The following NYAP2 variants were observed in gnomAD, a reference collection of about 807,000 sequenced individuals.
NYAP2 encodes neuronal tyrosine-phosphorylated phosphoinositide-3-kinase adaptor 2.
Under a neutral mutation model 50.4 loss-of-function variants are expected in NYAP2, and 23 were observed. The ratio of observed to expected loss-of-function variants is 0.46; its 90% confidence interval spans 0.33 to 0.65. The LOEUF is 0.65. Among genes scored for constraint, NYAP2 ranks in the 30% least tolerant of loss-of-function variants. The pLI, the probability that NYAP2 is intolerant of heterozygous loss-of-function variation, is 0.02. For synonymous variants in NYAP2, 394 were observed against 365.2 expected, an observed-to-expected ratio of 1.08 and a Z score of -0.90; for missense variants, 885 against 861.0, an observed-to-expected ratio of 1.03 and a Z score of -0.35.
the NYAP2 span, among the ~76,000 whole-genome samples, chr2:225,695,701 A>C: frequency 2.6e-5 from 4 of 151,862 alleles, no homozygotes; most frequent in Non-Finnish European, 5.9e-5. Flanking sequence ...CTGCATTTTT[A>C]TTGCACAGAT....
chr2:225,661,688 T>A, the NYAP2 span, among the ~76,000 whole-genome samples: 1 of 151,990 alleles, frequency 6.6e-6, no homozygotes, highest in South Asian at 2.1e-4. Context: ...TTATGCATAG[T>A]TGCCTCATAT....
chr2:225,541,118 C>T (rs1691462199), intron 4 of NYAP2, among the ~76,000 whole-genome samples: 1 of 152,034 alleles, frequency 6.6e-6, no homozygotes, highest in Non-Finnish European at 1.5e-5. Flanking sequence ...CAGATAGTTG[C>T]CCATTTTTAA....
chr2:225,402,635 A>C (rs565294535), intron 2 of NYAP2, among the ~76,000 whole-genome samples: 1 of 152,136 alleles, frequency 6.6e-6, no homozygotes. Context: ...AGTGGAGAAA[A>C]ACTCACTGCA....
intron 3 of NYAP2, among the ~76,000 whole-genome samples, chr2:225,449,745 A>T (rs917512051): frequency 2.0e-5 from 3 of 151,458 alleles, no homozygotes; most frequent in African/African-American, 7.3e-5. Flanking sequence ...AGTAGCTGGG[A>T]TTATAGGTGC....
At chr2:225,586,435 G>A (rs1692391264) in intron 5 of NYAP2, among the ~76,000 whole-genome samples, 1 of 152,114 alleles carries the variant, frequency 6.6e-6, no homozygotes, top group South Asian at 2.1e-4. Context: ...CTGATAGTCT[G>A]TAGCTCTAGT....
At chr2:225,406,987 G>T (rs1407300214) in intron 2 of NYAP2, among the ~76,000 whole-genome samples, 2 of 151,992 alleles carry the variant, frequency 1.3e-5, no homozygotes, top group African/African-American at 2.4e-5. Context: ...ATACAATTTT[G>T]CTAGAGGGCA....
chr2:225,543,276 A>T (rs1056153307), intron 4 of NYAP2, among the ~76,000 whole-genome samples: 1 of 150,098 alleles, frequency 6.7e-6, no homozygotes, highest in Non-Finnish European at 1.5e-5. Context: ...GATCTTTATT[A>T]TTTTTTTTCT....
At chr2:225,533,510 G>T (rs1353154834) in intron 4 of NYAP2, among the ~76,000 whole-genome samples, 23 of 151,974 alleles carry the variant, frequency 1.5e-4, no homozygotes, top group Admixed American at 1.5e-3. Context: ...AAAATGGAAA[G>T]ACCCCATCTC....
intron 5 of NYAP2, among the ~76,000 whole-genome samples, chr2:225,615,726 T>C (rs1692976536): frequency 6.6e-6 from 1 of 152,120 alleles, no homozygotes; most frequent in African/African-American, 2.4e-5. Flanking sequence ...AAACTGTGGA[T>C]TCTGGAGCTG....
chr2:225,434,277 G>T (rs186648616), intron 3 of NYAP2, among the ~76,000 whole-genome samples: 1 of 152,250 alleles, frequency 6.6e-6, no homozygotes, highest in East Asian at 1.9e-4. Flanking sequence ...GGGCTTCAAA[G>T]CTGCTTAAAC....
intron 5 of NYAP2, among the ~76,000 whole-genome samples, chr2:225,593,696 G>T (rs777900214): frequency 3.3e-5 from 5 of 152,028 alleles, no homozygotes; most frequent in Non-Finnish European, 5.9e-5. Flanking sequence ...TTTACTTTTT[G>T]TAATACTTGA....
At chr2:225,527,569 C>T (rs1405224350) in intron 4 of NYAP2, among the ~76,000 whole-genome samples, 1 of 152,186 alleles carries the variant, frequency 6.6e-6, no homozygotes, top group Non-Finnish European at 1.5e-5. Flanking sequence ...GATGTTGATT[C>T]TGTCCTTTCA....
intron 3 of NYAP2, among the ~76,000 whole-genome samples, chr2:225,499,687 G>T (rs548901524): frequency 1.9e-3 from 283 of 152,302 alleles, no homozygotes; most frequent in Non-Finnish European, 2.7e-3. Context: ...CTTAAGGACA[G>T]TGATAAGAAG....
chr2:225,487,966 C>G (rs1690334215), intron 3 of NYAP2, among the ~76,000 whole-genome samples: 1 of 152,158 alleles, frequency 6.6e-6, no homozygotes, highest in African/African-American at 2.4e-5. Flanking sequence ...CTGACATTCC[C>G]AAAGTGCTTG....
At position 225,582,664 on chromosome 2, in the gene NYAP2, C is replaced by A. The variant is rs770061615; in HGVS notation, c.1247C>A (p.Pro416His). ...CCTGCGCTCTCCTCGTCGCCCCCAC[C>A]CCCGTCTACGCTGTACCGAACCCAG... Residue 416 changes from proline (P) to histidine (H), a missense_variant, in exon 5 of 7, where the codon CCC (proline) becomes CAC (histidine). By Grantham distance (77) the Pro-to-His change is moderately conservative. Coordinates refer to ENST00000636099, the Ensembl canonical transcript of NYAP2. This position sits in a 1 kb window ranked among gnomAD's most constrained non-coding sequence, Gnocchi z 7.0. 1.3e-6 allele frequency: 2 copies of A among 1,597,620 alleles called. No homozygotes were observed. The highest frequency in any genetic ancestry group is 2.7e-5 in the African/African-American group (2 of 74,602).
chr2:225,535,811 G>A (rs1356945296), intron 4 of NYAP2, among the ~76,000 whole-genome samples: 2 of 152,128 alleles, frequency 1.3e-5, no homozygotes, highest in African/African-American at 2.4e-5. Flanking sequence ...TGAGAAAAGT[G>A]CTACATTTCC....
At chr2:225,614,714 G>T (rs1000665699) in intron 5 of NYAP2, among the ~76,000 whole-genome samples, 1 of 152,192 alleles carries the variant, frequency 6.6e-6, no homozygotes, top group Admixed American at 6.5e-5. Context: ...TTTTACAGAA[G>T]AGAAAATGAG....
intron 3 of NYAP2, among the ~76,000 whole-genome samples, chr2:225,470,703 A>T (rs1290830007): frequency 2.0e-5 from 3 of 152,210 alleles, no homozygotes; most frequent in Non-Finnish European, 2.9e-5. Flanking sequence ...TGGTTAAAAA[A>T]CAAAAGCAAG....
At chr2:225,653,457 G>A (rs1430728714) in exon 7 of NYAP2, 8 of 152,190 alleles carry the variant, frequency 5.3e-5, no homozygotes, top group Non-Finnish European at 8.8e-5. Context: ...GAAGTTCTTC[G>A]TTTTTCAAAA....
Sources: allele counts gnomAD v4.1 joint callset (sites outside exome capture counted in the v4.1 genomes callset), GRCh38; gene constraint gnomAD v4.1.1; non-coding constraint Gnocchi (gnomAD v3.1); transcripts MANE v1.5; gene names NCBI Gene and HGNC (gene_info 2026-07-23, HGNC 2026-07-21).